RSF1: variants seen among roughly 807,000 people sequenced by gnomAD.
The protein encoded by RSF1 is HBV pX-associated protein 8.
Under a neutral mutation model 145.2 loss-of-function variants are expected in RSF1, and 13 were observed. The observed-to-expected ratio is 0.09, with a 90% CI of 0.06 to 0.14. The LOEUF (loss-of-function observed/expected upper bound fraction) is 0.14. RSF1 is among the 10% of genes least tolerant of loss of function. The probability of loss-of-function intolerance (pLI) is 1.00; values close to 1 mark genes in which losing one functional copy is unlikely to be tolerated. For missense variants in RSF1, 1,517 were observed against 1,718.2 expected (o/e 0.88, Z 2.07); for synonymous variants, 577 against 592.6 (o/e 0.97, Z 0.38).
chr11:77,850,082 C>A, the RSF1 span, among the ~76,000 whole-genome samples: 2 of 152,170 alleles, frequency 1.3e-5, no homozygotes, highest in Non-Finnish European at 2.9e-5. Flanking sequence ...TTGAAATTTT[C>A]ATTATAAATG....
intron 5 of RSF1, 97 bp downstream of exon 5, chr11:77,725,448 T>C (rs1265046804): frequency 3.8e-6 from 4 of 1,051,548 alleles, no homozygotes; most frequent in African/African-American, 3.3e-5. Flanking sequence ...CCAATTCAAA[T>C]TGAGATAGAA....
the RSF1 span, among the ~76,000 whole-genome samples, chr11:77,831,697 T>C: frequency 6.7e-6 from 1 of 149,984 alleles, no homozygotes; most frequent in East Asian, 2.0e-4. Context: ...TAGGTATCTT[T>C]TTTTTTTTTT....
chr11:77,734,909 A>AAG, intron 4 of RSF1: 1 of 1,582,744 alleles, frequency 6.3e-7, no homozygotes, highest in Non-Finnish European at 8.6e-7. Context: ...TCAAAGCAGT[A>AAG]AGACATGGAC....
At chr11:77,712,995 A>C (rs1960722929) in intron 5 of RSF1, among the ~76,000 whole-genome samples, 1 of 152,082 alleles carries the variant, frequency 6.6e-6, no homozygotes, top group African/African-American at 2.4e-5. Context: ...TGTTCTTGAG[A>C]TCAATCTCTT....
intron 1 of RSF1, among the ~76,000 whole-genome samples, chr11:77,783,798 C>T (rs1035210551): frequency 6.6e-6 from 1 of 152,090 alleles, no homozygotes; most frequent in African/African-American, 2.4e-5. Flanking sequence ...GCCATGTTTA[C>T]TCCACTGCAC....
chr11:77,832,765 C>T, the RSF1 span, among the ~76,000 whole-genome samples: 1 of 150,908 alleles, frequency 6.6e-6, no homozygotes, highest in Non-Finnish European at 1.5e-5. Context: ...TTTTTGTATA[C>T]CCAGGCTTAT....
At position 77,734,942 on chromosome 11, in the gene RSF1, G is replaced by A. The variant is rs530929480; in HGVS notation, c.578+5789C>T. The stretch of plus-strand genomic sequence containing the variant: ...GACAGGTAAACGTAGGAGGCACAGA[G>A]CTCTAGGTTGATCTGGCGGTTGATG... On this transcript the variant is annotated intron_variant, in intron 4 of 15. Transcript: ENST00000308488. The A allele has an allele frequency of 3.1e-6, 5 of 1,594,254 alleles. No homozygotes were observed. The East Asian group carries it at 1.1e-4, about 36-fold the overall frequency.
At chr11:77,787,617 A>G (rs1047020380) in intron 1 of RSF1, among the ~76,000 whole-genome samples, 1 of 152,136 alleles carries the variant, frequency 6.6e-6, no homozygotes, top group African/African-American at 2.4e-5. Flanking sequence ...GAAAAAAATA[A>G]AAACTAGACT....
chr11:77,872,226 G>A, the RSF1 span: 2 of 1,613,800 alleles, frequency 1.2e-6, no homozygotes, highest in Non-Finnish European at 1.7e-6. Flanking sequence ...TGATGTGCGG[G>A]TCCTCCAGAC....
chr11:77,750,311 T>C (rs182690415), intron 2 of RSF1, among the ~76,000 whole-genome samples: 1 of 152,208 alleles, frequency 6.6e-6, no homozygotes, highest in African/African-American at 2.4e-5. Flanking sequence ...CTATAGGCCA[T>C]AGAGTCTCTC....
intron 1 of RSF1, among the ~76,000 whole-genome samples, chr11:77,780,319 A>G (rs1948389926): frequency 6.6e-6 from 1 of 152,236 alleles, no homozygotes; most frequent in South Asian, 2.1e-4. Context: ...ACCAAACAGA[A>G]AAAAGGAACA....
At chr11:77,847,236 C>T in the RSF1 span, among the ~76,000 whole-genome samples, 1 of 152,152 alleles carries the variant, frequency 6.6e-6, no homozygotes, top group Non-Finnish European at 1.5e-5. Flanking sequence ...TTTCCAACTC[C>T]CCCTTCACTT....
intron 2 of RSF1, among the ~76,000 whole-genome samples, chr11:77,755,581 AAG>A (rs983788650): frequency 7.8e-5 from 10 of 128,402 alleles, no homozygotes; most frequent in African/African-American, 3.0e-4. Context: ...CTGAATCAAG[AAG>A]ATTTTTTTTT....
intron 2 of RSF1, among the ~76,000 whole-genome samples, chr11:77,749,475 A>G (rs1404738130): frequency 6.6e-6 from 1 of 152,206 alleles, no homozygotes; most frequent in Non-Finnish European, 1.5e-5. Flanking sequence ...GGGGAAGCTC[A>G]TCCTTAGTAT....
intron 1 of RSF1, among the ~76,000 whole-genome samples, chr11:77,796,882 C>T (rs1489014589): frequency 1.3e-5 from 2 of 152,092 alleles, no homozygotes; most frequent in African/African-American, 2.4e-5. Context: ...AACTGAGAGC[C>T]AAATCATGAG....
intron 1 of RSF1, among the ~76,000 whole-genome samples, chr11:77,816,912 T>G (rs1236596420): frequency 6.6e-6 from 1 of 152,212 alleles, no homozygotes; most frequent in Non-Finnish European, 1.5e-5. Context: ...TAAATCTAAA[T>G]TTTTTGTTGA....
intron 4 of RSF1, among the ~76,000 whole-genome samples, chr11:77,737,214 A>G (rs1255099672): frequency 6.6e-6 from 1 of 152,010 alleles, no homozygotes; most frequent in Non-Finnish European, 1.5e-5. Flanking sequence ...TTGGGAGGCC[A>G]CAGCAAGTGA....
rs911451292 is a variant in RSF1, at chr11:77,782,235, T to TAGGCCAGAAGTGGTGGCTCACG, written c.188-17568_188-17547dup. 1.7e-3 allele frequency among the ~76,000 whole-genome samples: 255 copies of TAGGCCAGAAGTGGTGGCTCACG among 152,250 alleles called. 4 individuals carry two copies. The highest frequency in any genetic ancestry group is 5.5e-3 in the African/African-American group (230 of 41,544). ...GAGACAGCAGGTTTAGAACAAGGAT[T>TAGGCCAGAAGTGGTGGCTCACG]AGGCCAGAAGTGGTGGCTCACGAGG... On this transcript the variant is annotated intron_variant, in intron 1 of 15. Coordinates refer to ENST00000308488, the MANE Select transcript of RSF1 (RefSeq NM_016578.4).
intron 4 of RSF1, among the ~76,000 whole-genome samples, chr11:77,731,324 C>G (rs1337462054): frequency 6.6e-6 from 1 of 152,170 alleles, no homozygotes; most frequent in African/African-American, 2.4e-5. Context: ...AATTTCTAAG[C>G]AGCAAAGCAT....
Sources: allele counts gnomAD v4.1 joint callset (sites outside exome capture counted in the v4.1 genomes callset), GRCh38; gene constraint gnomAD v4.1.1; transcripts MANE v1.5; gene names NCBI Gene and HGNC (gene_info 2026-07-23, HGNC 2026-07-21).